The following TIPARP variants were observed in gnomAD, a reference collection of about 807,000 sequenced individuals.
The protein encoded by TIPARP is protein mono-ADP-ribosyltransferase TIPARP.
In TIPARP, 12 loss-of-function variants were observed where a neutral mutation model predicts 56.5. The observed-to-expected ratio is 0.21, with a 90% CI of 0.14 to 0.34. The LOEUF is 0.34. Ranked by LOEUF, TIPARP falls within the 10% of genes least tolerant of loss-of-function variation. TIPARP has a pLI of 1.00. For missense variants in TIPARP, 604 were observed against 781.6 expected, an observed-to-expected ratio of 0.77 and a Z score of 2.71; for synonymous variants, 296 against 265.7, an observed-to-expected ratio of 1.11 and a Z score of -1.11.
At position 156,677,702 on chromosome 3, in the gene TIPARP, A is replaced by C; in HGVS notation, c.5A>C (p.Glu2Ala). 6.3e-7 allele frequency: 1 copy of C among 1,577,106 alleles called. No homozygotes were observed. The stretch of plus-strand genomic sequence containing the variant: ...CAGTTGGAGCTAATCCACATTATGG[A>C]AATGGAAACCACCGAACCTGAGCCA... M[E>A]METTEPEPDC... The change falls in exon 2 of 6, where the codon GAA becomes GCA. Residue 2 changes from glutamate to alanine, a missense_variant. By Grantham distance (107) the Glu-to-Ala change is moderately radical. Transcript: ENST00000295924.
intron 2 of TIPARP, among the ~76,000 whole-genome samples, chr3:156,692,563 T>C (rs1722602731): frequency 6.6e-6 from 1 of 152,120 alleles, no homozygotes; most frequent in Non-Finnish European, 1.5e-5. Context: ...AGCAAGAAGT[T>C]TGGGGTTTAT....
Position 156,705,170 on chromosome 3 carries a change from A to G in TIPARP, c.*39A>G, listed in dbSNP as rs765540359. 3 of 1,367,632 alleles carry G rather than the reference A, an allele frequency of 2.2e-6. No individual in the cohort carries two copies. Among genetic ancestry groups the G allele is most frequent in the Non-Finnish European group, 3.0e-6 (3 of 1,012,114 alleles). 84.7% of individuals were successfully genotyped at this position (1,367,632 alleles called of 1,614,324 possible). ...TGCTAAATTATTTGATATGAACTCA[A>G]TCCAGCATTTGTAGCAGGTTTTGAA... On this transcript the variant is annotated 3_prime_UTR_variant, in exon 6 of 6. Transcript: ENST00000295924.
intron 2 of TIPARP, among the ~76,000 whole-genome samples, chr3:156,687,626 G>T (rs344006): frequency 0.95 from 145,071 of 152,234 alleles, 69,162 homozygotes; most frequent in Middle Eastern, 0.99. Flanking sequence ...AGTGTGTTTT[G>T]AGAATAAACT....
intron 4 of TIPARP, among the ~76,000 whole-genome samples, chr3:156,697,802 C>T (rs1012519852): frequency 2.0e-5 from 3 of 152,112 alleles, no homozygotes; most frequent in East Asian, 1.9e-4. Context: ...CCACATAAGA[C>T]GGCAGAGTGT....
Position 156,678,123 on chromosome 3 carries a change from T to A in TIPARP, c.426T>A (p.Phe142Leu), listed in dbSNP as rs1722196881. ...TGGTTCCAATCCAAGATCACAGCTT[T>A]CCATCAGAAACCCTCAGTGGGACGG... ...ERVVPIQDHS[F>L]PSETLSGTVA... Residue 142 changes from phenylalanine to leucine, a missense_variant, in exon 2 of 6, where the codon TTT becomes TTA. By Grantham distance (22) the Phe-to-Leu change is conservative. Around this residue, in one of 4 missense-constraint regions of TIPARP, gnomAD observed 261 missense variants for 279.2 expected, o/e 0.93. Coordinates refer to ENST00000295924, the MANE Select transcript of TIPARP (RefSeq NM_015508.5). 1 of 1,613,996 alleles carries A rather than the reference T, an allele frequency of 6.2e-7. No individual in the cohort carries two copies. The highest frequency in any genetic ancestry group is 1.3e-5 in the African/African-American group (1 of 74,928).
chr3:156,678,364 G>A lies in TIPARP; in HGVS notation c.667G>A (p.Val223Met), dbSNP rs759242586. The change falls in exon 2 of 6, where the codon GTG becomes ATG. Residue 223 changes from valine to methionine, a missense_variant. This residue lies in a region of TIPARP where 261 missense variants were observed against 279.2 expected (regional missense o/e 0.93). Transcript: ENST00000295924. The stretch of plus-strand genomic sequence containing the variant: ...AAGTGAAGAGGCTTCCCTTGACCTC[G>A]TGTTTGAGCTGGTGAACCAGTTGCA... ...DKSEEASLDL[V>M]FELVNQLQYH... 6.2e-7 allele frequency: 1 copy of A among 1,614,196 alleles called. No individual in the cohort carries two copies. Among genetic ancestry groups the A allele is most frequent in the South Asian group, 1.1e-5 (1 of 91,078 alleles).
chr3:156,677,398 T>C (rs1177690550), intron 1 of TIPARP, among the ~76,000 whole-genome samples: 1 of 152,230 alleles, frequency 6.6e-6, no homozygotes, highest in Non-Finnish European at 1.5e-5. Flanking sequence ...AACTCTTATG[T>C]ATTCAGTCCA....
chr3:156,689,001 G>A (rs924101178), intron 2 of TIPARP, among the ~76,000 whole-genome samples: 1 of 152,196 alleles, frequency 6.6e-6, no homozygotes, highest in Non-Finnish European at 1.5e-5. Flanking sequence ...ATTAGGGTGT[G>A]TGTTAATTAG....
intron 2 of TIPARP, among the ~76,000 whole-genome samples, chr3:156,683,909 C>T (rs746042493): frequency 2.6e-5 from 4 of 152,174 alleles, no homozygotes; most frequent in Non-Finnish European, 4.4e-5. Flanking sequence ...TTTGAGACCA[C>T]CAGATTCTGC....
chr3:156,693,913 A>G (rs1173962055), intron 2 of TIPARP, 107 bp from the exon 3 acceptor site: 4 of 1,234,446 alleles, frequency 3.2e-6, no homozygotes, highest in Non-Finnish European at 4.3e-6. Context: ...AAATTCTACA[A>G]CAGGCTATGC....
chr3:156,677,050 A>C (rs1722148248), intron 1 of TIPARP, among the ~76,000 whole-genome samples: 1 of 152,204 alleles, frequency 6.6e-6, no homozygotes, highest in African/African-American at 2.4e-5. Flanking sequence ...CTTGGATAGT[A>C]TATTAGAGCT....
chr3:156,705,959 T>G lies in TIPARP; in HGVS notation c.*828T>G, dbSNP rs1273778311. ...CTTGAGGGTTAGAAGTATTACTTCC[T>G]TTTCGGGTTCCAGACCTAGCTTGTG... On this transcript the variant is annotated 3_prime_UTR_variant, in exon 6 of 6. Transcript: ENST00000295924. The G allele has an allele frequency of 6.5e-6, 1 of 152,676 alleles. No homozygotes were observed. Among genetic ancestry groups the G allele is most frequent in the Non-Finnish European group, 1.5e-5 (1 of 68,042 alleles). 9.5% of individuals were successfully genotyped at this position (152,676 alleles called of 1,614,324 possible). A position where few individuals can be genotyped will look rare whatever the true frequency, so the allele number is the denominator to read the frequency against.
rs184863885 is a variant in TIPARP at position 156,703,693 on chromosome 3, A to G, written c.1517A>G (p.Lys506Arg). ...LRVQNQFLWEKYKRKKEYMNR... is the reference protein window; with the variant it reads ...LRVQNQFLWERYKRKKEYMNR... ...GTCCAAAACCAGTTTCTTTGGGAGA[A>G]ATATAAAAGGTGAGTCAGATGTATG... The change falls in exon 5 of 6, where the codon AAA (lysine) becomes AGA (arginine). Residue 506 changes from lysine (K) to arginine (R), a missense_variant. Physicochemically the swap from Lys to Arg is conservative, Grantham distance 26. Coordinates refer to ENST00000295924, the MANE Select transcript of TIPARP (RefSeq NM_015508.5). 3.6e-5 allele frequency: 58 copies of G among 1,610,570 alleles called. No homozygotes were observed. Among genetic ancestry groups the G allele is most frequent in the Non-Finnish European group, 4.6e-5 (54 of 1,179,448 alleles).
chr3:156,696,911 T>C (rs982302412), intron 4 of TIPARP, among the ~76,000 whole-genome samples: 3 of 152,226 alleles, frequency 2.0e-5, no homozygotes, highest in African/African-American at 7.2e-5. Context: ...ATATTCCTAC[T>C]GTTTTTATTT....
At chr3:156,682,331 GT>G (rs1018644767) in intron 2 of TIPARP, among the ~76,000 whole-genome samples, 2 of 152,142 alleles carry the variant, frequency 1.3e-5, no homozygotes, top group Admixed American at 6.5e-5. Flanking sequence ...AGAGGACAGG[GT>G]TTTTTTCTTT....
chr3:156,695,584 T>C (rs1722692821), intron 3 of TIPARP, among the ~76,000 whole-genome samples: 1 of 151,964 alleles, frequency 6.6e-6, no homozygotes, highest in Non-Finnish European at 1.5e-5. Flanking sequence ...ACGAAAACTC[T>C]CTATGATATT....
chr3:156,693,688 T>G (rs951902429), intron 2 of TIPARP, among the ~76,000 whole-genome samples: 4 of 152,210 alleles, frequency 2.6e-5, no homozygotes, highest in Admixed American at 2.6e-4. Context: ...ATAGTAAAAC[T>G]GACTCCCTGA....
intron 4 of TIPARP, among the ~76,000 whole-genome samples, chr3:156,698,586 A>G (rs1420965402): frequency 6.6e-6 from 1 of 152,196 alleles, no homozygotes; most frequent in Non-Finnish European, 1.5e-5. Context: ...TAAGCCCACT[A>G]TTGAGACCTG....
intron 2 of TIPARP, among the ~76,000 whole-genome samples, chr3:156,680,936 C>G (rs989874355): frequency 1.3e-5 from 2 of 152,100 alleles, no homozygotes; most frequent in African/African-American, 4.8e-5. Context: ...TGGTCCTGTC[C>G]TAGGAAAATA....
Sources: gnomAD v4.1 joint callset for allele counts (sites outside exome capture counted in the v4.1 genomes callset) on GRCh38, gnomAD v4.1.1 for gene constraint, gnomAD v4.1.1 regional missense constraint, MANE v1.5 for transcripts, NCBI Gene and HGNC (gene_info 2026-07-23, HGNC 2026-07-21) for gene names.